CCNK: variants seen among roughly 807,000 people sequenced by gnomAD.
CCNK encodes cyclin-K.
Under a neutral mutation model 65.0 loss-of-function variants are expected in CCNK, and 9 were observed. The observed-to-expected ratio is 0.14, with a 90% CI of 0.08 to 0.24. The LOEUF (loss-of-function observed/expected upper bound fraction) is 0.24. Among genes scored for constraint, CCNK ranks in the 10% least tolerant of loss-of-function variants. CCNK has a pLI of 1.00. For missense variants in CCNK, 474 were observed against 720.0 expected (o/e 0.66, Z 3.91); for synonymous variants, 279 against 270.8 (o/e 1.03, Z -0.30).
chr14:99,510,397 C>T lies in CCNK; in HGVS notation c.1358C>T (p.Thr453Ile). The change falls in exon 11 of 11, where the codon ACC (threonine) becomes ATC (isoleucine). Residue 453 changes from threonine (T) to isoleucine (I), a missense_variant. Transcript: ENST00000389879. ...CAGAGCCTGCAGTCCATGATGAAGACCGAGGGACCCTCCTACGGTGCCCTG... is the reference window on the plus strand; with the variant it reads ...CAGAGCCTGCAGTCCATGATGAAGATCGAGGGACCCTCCTACGGTGCCCTG... Reference protein sequence around the residue: ...GYQSLQSMMKTEGPSYGALPP... With the variant: ...GYQSLQSMMKIEGPSYGALPP... The T allele has an allele frequency of 6.4e-7, 1 of 1,562,772 alleles. No individual in the cohort carries two copies. Among genetic ancestry groups the T allele is most frequent in the Non-Finnish European group, 8.7e-7 (1 of 1,155,480 alleles).
intron 10 of CCNK, chr14:99,507,456 T>A (rs959453472): frequency 8.9e-6 from 3 of 337,746 alleles, no homozygotes; most frequent in Admixed American, 4.3e-5. Flanking sequence ...TCCCAACTAC[T>A]TAGGAGTCTG....
At chr14:99,486,246 A>G (rs1896482509) in intron 1 of CCNK, among the ~76,000 whole-genome samples, 1 of 152,166 alleles carries the variant, frequency 6.6e-6, no homozygotes, top group Admixed American at 6.5e-5. Flanking sequence ...AAATTTCCCT[A>G]CTTCTTGGAC....
intron 10 of CCNK, 196 bp downstream of exon 10, chr14:99,507,343 G>C (rs908439134): frequency 3.0e-5 from 17 of 575,874 alleles, no homozygotes; most frequent in Non-Finnish European, 4.7e-5. Flanking sequence ...TTGGGAGGCG[G>C]AGGCAGGAGA....
At chr14:99,494,917 T>C (rs1896669343) in intron 3 of CCNK, 1 of 152,226 alleles carries the variant, frequency 6.6e-6, no homozygotes, top group Admixed American at 6.5e-5. Flanking sequence ...TGGGCCTCTT[T>C]TATAAGGGCA....
At chr14:99,501,250 G>A (rs1566750924) in intron 5 of CCNK, 106 bp from the exon 6 acceptor site, 2 of 746,288 alleles carry the variant, frequency 2.7e-6, no homozygotes, top group Non-Finnish European at 2.4e-6. Context: ...GCTCTTTGCT[G>A]TGTATTTGAG....
At position 99,502,970 on chromosome 14, in the gene CCNK, G is replaced by A. The variant is rs771462544; in HGVS notation, c.997G>A (p.Val333Ile). 6.2e-7 allele frequency: 1 copy of A among 1,613,876 alleles called. No homozygotes were observed. Among genetic ancestry groups the A allele is most frequent in the Non-Finnish European group, 8.5e-7 (1 of 1,179,912 alleles). ...PSPQPSSPRQVKRAVVVSPKE... is the reference protein window; with the variant it reads ...PSPQPSSPRQIKRAVVVSPKE... Reference sequence around the variant, plus strand: ...TCCGCAGCCCAGTTCTCCCCGACAGGTTAAGCGAGCCGTGGTGAGTGGGCT... The same window carrying A: ...TCCGCAGCCCAGTTCTCCCCGACAGATTAAGCGAGCCGTGGTGAGTGGGCT... The change falls in exon 8 of 11, where the codon GTT becomes ATT. Residue 333 changes from valine to isoleucine, a missense_variant. Val to Ile is a conservative substitution (Grantham distance 29). Coordinates refer to ENST00000389879, the MANE Select transcript of CCNK (RefSeq NM_001099402.2).
Position 99,492,733 on chromosome 14 carries a change from A to G in CCNK, c.56A>G (p.His19Arg). 1 of 1,612,538 alleles carries G rather than the reference A, an allele frequency of 6.2e-7. No homozygotes were observed. The change falls in exon 2 of 11, where the codon CAC (histidine) becomes CGC (arginine). Residue 19 changes from histidine (H) to arginine (R), a missense_variant. Transcript: ENST00000389879. ...TCAGTAACTTCAGCAAACCTGGACC[A>G]CACAAAGCCATGTTGGTACTGGGAT... is the stretch of plus-strand genomic sequence containing the variant. ...SPSVTSANLD[H>R]TKPCWYWDKK... is the part of the protein sequence containing the mutation.
rs565765320 is a variant in CCNK, at chr14:99,510,414, G to A, written c.1375G>A (p.Gly459Ser). The change falls in exon 11 of 11, where the codon GGT becomes AGT. Residue 459 changes from glycine (G) to serine (S), a missense_variant. By Grantham distance (56) the Gly-to-Ser change is moderately conservative. This residue lies in a region of CCNK where 229 missense variants were observed against 275.5 expected (regional missense o/e 0.83). Coordinates refer to ENST00000389879, the MANE Select transcript of CCNK (RefSeq NM_001099402.2). ...SMMKTEGPSY[G>S]ALPPAYGPPA... ...GATGAAGACCGAGGGACCCTCCTACGGTGCCCTGCCCCCCGCCTACGGCCC... is the reference window on the plus strand; with the variant it reads ...GATGAAGACCGAGGGACCCTCCTACAGTGCCCTGCCCCCCGCCTACGGCCC... The A allele has an allele frequency of 2.6e-5, 41 of 1,550,446 alleles. No homozygotes were observed. Among genetic ancestry groups the A allele is most frequent in the Non-Finnish European group, 3.1e-5 (36 of 1,148,972 alleles).
chr14:99,510,080 C>T (rs1197397202), intron 10 of CCNK, 77 bp from the exon 11 acceptor site: 8 of 1,418,832 alleles, frequency 5.6e-6, no homozygotes, highest in Non-Finnish European at 6.6e-6. Context: ...GTAAAGATGG[C>T]CCTGAAGGGC....
At chr14:99,503,018 G>A in intron 8 of CCNK, 34 bp downstream of exon 8, 2 of 1,612,438 alleles carry the variant, frequency 1.2e-6, no homozygotes, top group Non-Finnish European at 1.7e-6. Flanking sequence ...GGGTAGAGCA[G>A]GCTTTCCAGG....
In CCNK at chr14:99,510,814, A is replaced by G. The variant is rs1897112652; in HGVS notation, c.*32A>G. 2 of 1,399,008 alleles carry G rather than the reference A, an allele frequency of 1.4e-6. No individual in the cohort carries two copies. Among genetic ancestry groups the G allele is most frequent in the Admixed American group, 3.0e-5 (1 of 33,098 alleles). The allele number at this position is 1,399,008 out of a possible 1,614,324, so 86.7% of individuals were successfully genotyped here. ...CCTTTTTTCCCTCTTTGTTTTTTTAACAAGATTTTCTAATCGACTTGCAGA... is the reference window on the plus strand; with the variant it reads ...CCTTTTTTCCCTCTTTGTTTTTTTAGCAAGATTTTCTAATCGACTTGCAGA... On this transcript the variant is annotated 3_prime_UTR_variant, in exon 11 of 11. Coordinates refer to ENST00000389879, the MANE Select transcript of CCNK (RefSeq NM_001099402.2).
intron 8 of CCNK, 95 bp from the exon 9 acceptor site, chr14:99,503,516 T>G: frequency 1.9e-6 from 2 of 1,059,896 alleles, no homozygotes; most frequent in Admixed American, 4.7e-5. Flanking sequence ...TCACAGTGAC[T>G]GCCGTCGCTG....
intron 8 of CCNK, 21 bp from the exon 9 acceptor site, chr14:99,503,588 TTG>T: frequency 6.4e-7 from 1 of 1,551,412 alleles, no homozygotes; most frequent in Non-Finnish European, 8.7e-7. Context: ...CAGTTAACAA[TTG>T]TGTATTTTCT....
At chr14:99,503,188 G>A (rs1013099475) in intron 8 of CCNK, 9 of 715,186 alleles carry the variant, frequency 1.3e-5, no homozygotes, top group Non-Finnish European at 2.3e-5. Flanking sequence ...CCAGGAGGGG[G>A]CTCTCTGCCC....
In CCNK at chr14:99,492,753, T is replaced by G. The variant is rs1366612744; in HGVS notation, c.76T>G (p.Trp26Gly). The G allele has an allele frequency of 6.2e-7, 1 of 1,613,076 alleles. No individual in the cohort carries two copies. Among genetic ancestry groups the G allele is most frequent in the Non-Finnish European group, 8.5e-7 (1 of 1,179,708 alleles). Residue 26 changes from tryptophan to glycine, a missense_variant, in exon 2 of 11, where the codon TGG (tryptophan) becomes GGG (glycine). By Grantham distance (184) the Trp-to-Gly change is radical. Around this residue, in one of 6 missense-constraint regions of CCNK, gnomAD observed 87 missense variants for 166.2 expected, o/e 0.52. Coordinates refer to ENST00000389879, the MANE Select transcript of CCNK (RefSeq NM_001099402.2). ...NLDHTKPCWY[W>G]DKKDLAHTPS... ...GGACCACACAAAGCCATGTTGGTACTGGGATAAGAAAGACTTGGCTCATAC... is the reference window on the plus strand; with the variant it reads ...GGACCACACAAAGCCATGTTGGTACGGGGATAAGAAAGACTTGGCTCATAC...
At chr14:99,504,992 T>C (rs1896939598) in intron 9 of CCNK, 1 of 152,088 alleles carries the variant, frequency 6.6e-6, no homozygotes, top group African/African-American at 2.4e-5. Context: ...TCAGGGGAAA[T>C]GGAGAGGAGT....
chr14:99,501,233 C>A, intron 5 of CCNK, 123 bp from the exon 6 acceptor site: 3 of 689,700 alleles, frequency 4.3e-6, no homozygotes, highest in South Asian at 1.7e-5. Flanking sequence ...TTGTTTCCCA[C>A]GCAAAAGCTC....
rs1051675742 is a variant in CCNK at position 99,511,625 on chromosome 14, G to A, written c.*843G>A. 4 of 152,484 alleles carry A rather than the reference G, an allele frequency of 2.6e-5. No individual in the cohort carries two copies. Among genetic ancestry groups the A allele is most frequent in the Admixed American group, 6.5e-5 (1 of 15,290 alleles). 9.4% of individuals were successfully genotyped at this position (152,484 alleles called of 1,614,324 possible). On this transcript the variant is annotated 3_prime_UTR_variant, in exon 11 of 11. Transcript: ENST00000389879. Reference sequence around the variant, plus strand: ...GACCCTGGGGACGCGGGAGAGGCCTGGCTGCAGCTCACAGCAGCCACAGCC... The same window carrying A: ...GACCCTGGGGACGCGGGAGAGGCCTAGCTGCAGCTCACAGCAGCCACAGCC...
intron 4 of CCNK, among the ~76,000 whole-genome samples, chr14:99,497,735 A>T (rs1188278850): frequency 6.6e-6 from 1 of 152,204 alleles, no homozygotes; most frequent in Non-Finnish European, 1.5e-5. Flanking sequence ...CATTGCTTTG[A>T]GGAGTTAACA....
Sources: allele counts gnomAD v4.1 joint callset (sites outside exome capture counted in the v4.1 genomes callset), GRCh38; gene constraint gnomAD v4.1.1; regional missense constraint gnomAD v4.1.1; transcripts MANE v1.5; gene names NCBI Gene and HGNC (gene_info 2026-07-23, HGNC 2026-07-21).